PAQR3: variants seen among roughly 807,000 people sequenced by gnomAD.
PAQR3 encodes progestin and adipoQ receptor family member 3.
A neutral mutation model predicts 41.7 loss-of-function variants in PAQR3; 39 were observed. That is an observed-to-expected ratio of 0.93 (90% CI 0.72 to 1.22). The LOEUF (loss-of-function observed/expected upper bound fraction) is 1.22, where lower values mean the gene tolerates loss of function less well. Ranked by LOEUF, PAQR3 falls within the 50% of genes most tolerant of loss-of-function variation. PAQR3 has a pLI of 0.00. For missense variants in PAQR3, 366 were observed against 385.6 expected (o/e 0.95, Z 0.42); for synonymous variants, 140 against 140.6 (o/e 1.00, Z 0.03).
chr4:78,893,492 C>A (rs1214405466), intron 11 of PAQR3, among the ~76,000 whole-genome samples: 1 of 152,192 alleles, frequency 6.6e-6, no homozygotes, highest in Admixed American at 6.5e-5. Context: ...TTCAGGTTTT[C>A]AGTTTACTTT....
At chr4:78,908,390 A>G (rs886643778), downstream of PAQR3, among the ~76,000 whole-genome samples, 50 of 152,182 alleles carry the variant, frequency 3.3e-4, no homozygotes, top group African/African-American at 1.2e-3. Flanking sequence ...TTTCTGTGAC[A>G]TTGCACTCAG....
chr4:78,911,540 A>G (rs1455458737), downstream of PAQR3: 1 of 1,613,926 alleles, frequency 6.2e-7, no homozygotes, highest in Admixed American at 1.7e-5. Flanking sequence ...AAGCGGCATC[A>G]TGGCACGCCA....
At chr4:78,910,853 A>G, downstream of PAQR3, 1 of 1,613,992 alleles carries the variant, frequency 6.2e-7, no homozygotes, top group Non-Finnish European at 8.5e-7. Flanking sequence ...CAGGGGGAAC[A>G]AGGAGATTTT....
intron 5 of PAQR3, chr4:78,922,029 T>G (rs1477713096): frequency 9.8e-7 from 1 of 1,018,020 alleles, no homozygotes; most frequent in Non-Finnish European, 1.2e-6. Context: ...CCCACTATGG[T>G]CATAATCACA....
chr4:78,920,482 A>T lies in PAQR3; in HGVS notation c.*57T>A. ...GGGAATCTTAGAAATAGTGGGGTAT[A>T]CAATTCCCCATTATATATTGCTTAA... On this transcript the variant is annotated 3_prime_UTR_variant, in exon 6 of 6. Coordinates refer to ENST00000512733, the MANE Select transcript of PAQR3 (RefSeq NM_001040202.2). The T allele has an allele frequency of 6.5e-6, 10 of 1,532,730 alleles. No individual in the cohort carries two copies. Among genetic ancestry groups the T allele is most frequent in the Non-Finnish European group, 8.8e-6 (10 of 1,137,748 alleles). 94.9% of individuals were successfully genotyped at this position (1,532,730 alleles called of 1,614,324 possible).
intron 3 of PAQR3, among the ~76,000 whole-genome samples, chr4:78,927,878 G>A (rs1052165471): frequency 2.0e-5 from 3 of 152,186 alleles, no homozygotes; most frequent in African/African-American, 4.8e-5. Context: ...TAGGGTGTGC[G>A]CAAAAGTGCA....
Position 78,920,460 on chromosome 4 carries a change from A to T in PAQR3, c.*79T>A. 1 of 1,436,366 alleles carries T rather than the reference A, an allele frequency of 7.0e-7. No individual in the cohort carries two copies. Among genetic ancestry groups the T allele is most frequent in the South Asian group, 1.7e-5 (1 of 58,896 alleles). The allele number at this position is 1,436,366 out of a possible 1,614,324, so 89.0% of individuals were successfully genotyped here. On this transcript the variant is annotated 3_prime_UTR_variant, in exon 6 of 6. Transcript: ENST00000512733. ...AAAGGAAAAAGGGAAAACTAATGGG[A>T]ATCTTAGAAATAGTGGGGTATACAA...
At chr4:78,924,010 T>C in intron 4 of PAQR3, 63 bp from the exon 5 acceptor site, 3 of 1,192,662 alleles carry the variant, frequency 2.5e-6, no homozygotes, top group South Asian at 2.5e-5. Context: ...AAATTTATTA[T>C]GAATCTAATA....
intron 2 of PAQR3, 74 bp downstream of exon 2, chr4:78,935,047 G>GCTT: frequency 6.9e-7 from 1 of 1,452,506 alleles, no homozygotes; most frequent in Non-Finnish European, 9.4e-7. Flanking sequence ...GTAGGTCTGA[G>GCTT]GTAAGGTCAC....
At chr4:78,890,074 T>C (rs1000664145) in intron 11 of PAQR3, among the ~76,000 whole-genome samples, 2 of 152,158 alleles carry the variant, frequency 1.3e-5, no homozygotes, top group African/African-American at 4.8e-5. Context: ...TATACTTTTT[T>C]CTGCAGTTTT....
At chr4:78,887,747 CT>C in intron 12 of PAQR3, among the ~76,000 whole-genome samples, 1 of 152,202 alleles carries the variant, frequency 6.6e-6, no homozygotes, top group East Asian at 1.9e-4. Context: ...ATGTTTTTCA[CT>C]GTTAAAAATT....
downstream of PAQR3, chr4:78,911,612 A>G: frequency 6.2e-7 from 1 of 1,614,016 alleles, no homozygotes; most frequent in Non-Finnish European, 8.5e-7. Flanking sequence ...CGCAGGCACA[A>G]AAAAGTGGGC....
At chr4:78,937,786 T>A (rs1737586090) in intron 1 of PAQR3, among the ~76,000 whole-genome samples, 1 of 152,192 alleles carries the variant, frequency 6.6e-6, no homozygotes, top group Non-Finnish European at 1.5e-5. Context: ...CTATACTTAA[T>A]TTTCCACTCC....
intron 4 of PAQR3, among the ~76,000 whole-genome samples, chr4:78,924,715 GT>G (rs11363806): frequency 0.83 from 121,446 of 146,174 alleles, 50,251 homozygotes; most frequent in East Asian, 0.9. Context: ...CTCTACAGTT[GT>G]TTTTTTTTTT....
rs1734941144 is a variant in PAQR3, at chr4:78,915,224, A to T, written c.*5315T>A. ...TTCAGTCTTACCCTGTTTATTGTTT[A>T]AGAGTGATAGACTGTTGTCCTCTTG... On this transcript the variant is annotated 3_prime_UTR_variant, in exon 6 of 6. Transcript: ENST00000512733. 6.6e-6 allele frequency: 1 copy of T among 152,010 alleles called. No homozygotes were observed. The highest frequency in any genetic ancestry group is 2.4e-5 in the African/African-American group (1 of 41,430). 9.4% of individuals were successfully genotyped at this position (152,010 alleles called of 1,614,324 possible). A position where few individuals can be genotyped will look rare whatever the true frequency, so the allele number is the denominator to read the frequency against.
chr4:78,912,020 C>T lies in PAQR3; in HGVS notation c.*8519G>A. The stretch of plus-strand genomic sequence containing the variant: ...GACCCATTTGGTGCTGCTCCATTTC[C>T]TTCTAAACAGTAGATACTTCTGATG... On this transcript the variant is annotated 3_prime_UTR_variant, in exon 6 of 6. Coordinates refer to ENST00000512733, the MANE Select transcript of PAQR3 (RefSeq NM_001040202.2). The T allele has an allele frequency of 6.2e-7, 1 of 1,607,916 alleles. No homozygotes were observed. Among genetic ancestry groups the T allele is most frequent in the Non-Finnish European group, 8.5e-7 (1 of 1,176,150 alleles).
chr4:78,920,027 T>C lies in PAQR3; in HGVS notation c.*512A>G, dbSNP rs1446905185. ...AAGGATATAATATCTGAAGTGCCAG[T>C]TTCTCACAAATCATTTTAGTGATTA... On this transcript the variant is annotated 3_prime_UTR_variant, in exon 6 of 6. Coordinates refer to ENST00000512733, the MANE Select transcript of PAQR3 (RefSeq NM_001040202.2). 1 of 985,092 alleles carries C rather than the reference T, an allele frequency of 1.0e-6. No individual in the cohort carries two copies. The highest frequency in any genetic ancestry group is 1.1e-4 in the East Asian group (1 of 8,826). 61.0% of individuals were successfully genotyped at this position (985,092 alleles called of 1,614,324 possible). A position where few individuals can be genotyped will look rare whatever the true frequency, so the allele number is the denominator to read the frequency against.
At chr4:78,922,418 G>T (rs1317363748) in intron 5 of PAQR3, 2 of 1,288,646 alleles carry the variant, frequency 1.6e-6, no homozygotes, top group African/African-American at 1.5e-5. Flanking sequence ...CCGTGGAAGT[G>T]ATTCTTAACC....
intron 11 of PAQR3, among the ~76,000 whole-genome samples, chr4:78,897,504 A>G (rs1733765241): frequency 6.6e-6 from 1 of 152,216 alleles, no homozygotes; most frequent in Non-Finnish European, 1.5e-5. Context: ...TATAGGAAAA[A>G]CACAATCTCA....
Sources: allele counts gnomAD v4.1 joint callset (sites outside exome capture counted in the v4.1 genomes callset), GRCh38; gene constraint gnomAD v4.1.1; transcripts MANE v1.5; gene names NCBI Gene and HGNC (gene_info 2026-07-23, HGNC 2026-07-21).